The following CDH12 variants were observed in gnomAD, a reference collection of about 807,000 sequenced individuals.
CDH12 encodes the protein cadherin 12.
CDH12 carries 41 observed loss-of-function variants against 74.1 expected under a neutral mutation model. That is an observed-to-expected ratio of 0.55 (90% CI 0.43 to 0.72). The LOEUF (loss-of-function observed/expected upper bound fraction) is 0.72, where lower values mean the gene tolerates loss of function less well. CDH12 is among the 30% of genes least tolerant of loss of function. The probability of loss-of-function intolerance (pLI) is 0.00; values close to 1 mark genes in which losing one functional copy is unlikely to be tolerated. For missense variants in CDH12, 945 were observed against 977.2 expected (o/e 0.97, Z 0.44); for synonymous variants, 399 against 355.0 (o/e 1.12, Z -1.39).
At chr5:22,834,080 A>G (rs1238317204) in intron 1 of CDH12, among the ~76,000 whole-genome samples, 2 of 152,124 alleles carry the variant, frequency 1.3e-5, no homozygotes, top group African/African-American at 4.8e-5. Context: ...ACTGAACACA[A>G]AGTGTTTTTG....
At chr5:22,350,975 A>T (rs1322795668) in intron 3 of CDH12, among the ~76,000 whole-genome samples, 1 of 152,190 alleles carries the variant, frequency 6.6e-6, no homozygotes, top group East Asian at 1.9e-4. Flanking sequence ...AGCTTTGGCT[A>T]AGTTACATGT....
chr5:22,726,955 T>C (rs1744193780), intron 1 of CDH12, among the ~76,000 whole-genome samples: 1 of 151,886 alleles, frequency 6.6e-6, no homozygotes, highest in African/African-American at 2.4e-5. Context: ...ATTACTCTAG[T>C]ATTATGTACT....
intron 5 of CDH12, among the ~76,000 whole-genome samples, chr5:22,038,570 G>A (rs1739341830): frequency 6.6e-6 from 1 of 152,196 alleles, no homozygotes. Flanking sequence ...CTCTGCTGAA[G>A]TTTCACATTG....
chr5:22,209,411 C>G (rs947326754), intron 4 of CDH12, among the ~76,000 whole-genome samples: 1 of 152,204 alleles, frequency 6.6e-6, no homozygotes, highest in African/African-American at 2.4e-5. Flanking sequence ...AGTTTCTCTA[C>G]CTTTTCTAAT....
At chr5:21,845,913 T>C (rs1213042853) in intron 7 of CDH12, among the ~76,000 whole-genome samples, 2 of 152,154 alleles carry the variant, frequency 1.3e-5, no homozygotes, top group South Asian at 2.1e-4. Context: ...ACTGAAAAAT[T>C]GAGCTGCAGA....
chr5:22,178,802 T>C (rs1387778370), intron 4 of CDH12, among the ~76,000 whole-genome samples: 13 of 152,328 alleles, frequency 8.5e-5, no homozygotes, highest in Admixed American at 8.5e-4. Flanking sequence ...GGCATCTTTA[T>C]GAGTCTGGAA....
At chr5:22,596,052 G>A (rs1736589067) in intron 1 of CDH12, among the ~76,000 whole-genome samples, 1 of 151,408 alleles carries the variant, frequency 6.6e-6, no homozygotes, top group African/African-American at 2.4e-5. Flanking sequence ...AGCTTGCAGT[G>A]AGCCGAGATC....
At chr5:22,616,792 T>C (rs1267341865) in intron 1 of CDH12, among the ~76,000 whole-genome samples, 1 of 152,046 alleles carries the variant, frequency 6.6e-6, no homozygotes, top group Non-Finnish European at 1.5e-5. Context: ...TGTGATGGTA[T>C]TAGGAGGTAG....
At chr5:22,156,427 C>G (rs1384185662) in intron 4 of CDH12, among the ~76,000 whole-genome samples, 3 of 151,986 alleles carry the variant, frequency 2.0e-5, no homozygotes, top group Admixed American at 6.6e-5. Context: ...AAGTCTTACT[C>G]AACTTGATGA....
chr5:21,883,843 AAGAC>A (rs1752488188), intron 6 of CDH12: 3 of 1,606,084 alleles, frequency 1.9e-6, no homozygotes, highest in African/African-American at 1.3e-5. Context: ...AATGAAAAGA[AAGAC>A]AGAGTTACAG....
intron 4 of CDH12, among the ~76,000 whole-genome samples, chr5:22,093,170 C>A (rs1743536472): frequency 6.6e-6 from 1 of 152,124 alleles, no homozygotes; most frequent in South Asian, 2.1e-4. Flanking sequence ...GATTTCATAA[C>A]CACAAAGCTC....
At chr5:22,166,869 A>C (rs966348143) in intron 4 of CDH12, among the ~76,000 whole-genome samples, 2 of 152,180 alleles carry the variant, frequency 1.3e-5, no homozygotes, top group African/African-American at 2.4e-5. Flanking sequence ...TAAAAAAAGC[A>C]AAAAATGATG....
intron 6 of CDH12, among the ~76,000 whole-genome samples, chr5:21,955,729 A>G (rs534015809): frequency 3.3e-5 from 5 of 152,132 alleles, no homozygotes; most frequent in African/African-American, 7.2e-5. Flanking sequence ...TACTCTCAGC[A>G]TAAGGTGAAC....
At chr5:22,029,630 T>C (rs1319096428) in intron 5 of CDH12, among the ~76,000 whole-genome samples, 1 of 152,200 alleles carries the variant, frequency 6.6e-6, no homozygotes, top group Non-Finnish European at 1.5e-5. Context: ...ATAGAGATGA[T>C]GTGGAGAAAT....
intron 1 of CDH12, among the ~76,000 whole-genome samples, chr5:22,514,008 T>C (rs1736712763): frequency 6.7e-6 from 1 of 148,266 alleles, no homozygotes; most frequent in Non-Finnish European, 1.5e-5. Context: ...TGAAAGAAAG[T>C]AGATACATTT....
chr5:22,831,750 T>C (rs1736624145), intron 1 of CDH12, among the ~76,000 whole-genome samples: 3 of 151,708 alleles, frequency 2.0e-5, no homozygotes, highest in Non-Finnish European at 2.9e-5. Flanking sequence ...CAAAAAAAAT[T>C]AGCTGGGCGC....
chr5:22,334,896 A>T (rs1432617461), intron 3 of CDH12, among the ~76,000 whole-genome samples: 1 of 152,192 alleles, frequency 6.6e-6, no homozygotes, highest in South Asian at 2.1e-4. Context: ...TAAAAATACT[A>T]TAAGAAAACA....
In CDH12 at chr5:22,078,860, G is replaced by C. The variant is rs1021423876; in HGVS notation, c.-184C>G. The C allele has an allele frequency of 6.5e-5, 87 of 1,340,954 alleles. No individual in the cohort carries two copies. Among genetic ancestry groups the C allele is most frequent in the Non-Finnish European group, 7.8e-5 (82 of 1,045,934 alleles). The allele number at this position is 1,340,954 out of a possible 1,614,324, so 83.1% of individuals were successfully genotyped here. ...TGCTGTATTATATTCCATCTAAAGGGGCCTATGAAATAGATGAACAAAGAT... is the reference window on the plus strand; with the variant it reads ...TGCTGTATTATATTCCATCTAAAGGCGCCTATGAAATAGATGAACAAAGAT... On this transcript the variant is annotated splice_region_variant and 5_prime_UTR_variant, in exon 5 of 15. Coordinates refer to ENST00000382254, the MANE Select transcript of CDH12 (RefSeq NM_004061.5).
chr5:22,326,303 C>T (rs923082128), intron 3 of CDH12, among the ~76,000 whole-genome samples: 1 of 151,806 alleles, frequency 6.6e-6, no homozygotes, highest in Admixed American at 6.6e-5. Context: ...GGCGCGATCT[C>T]GGCTCACTGC....
Sources: gnomAD v4.1 joint callset for allele counts (sites outside exome capture counted in the v4.1 genomes callset) on GRCh38, gnomAD v4.1.1 for gene constraint, MANE v1.5 for transcripts, NCBI Gene and HGNC (gene_info 2026-07-23, HGNC 2026-07-21) for gene names.